Variants in ITPR1 observed in about 807,000 individuals in gnomAD.
The protein encoded by ITPR1 is inositol 1,4,5-trisphosphate receptor type 1.
In ITPR1, 96 loss-of-function variants were observed where a neutral mutation model predicts 318.4. The ratio of observed to expected loss-of-function variants is 0.30; its 90% confidence interval spans 0.26 to 0.36. The LOEUF (loss-of-function observed/expected upper bound fraction) is 0.36. Ranked by LOEUF, ITPR1 falls within the 10% of genes least tolerant of loss-of-function variation. The probability of loss-of-function intolerance (pLI) is 1.00; values close to 1 mark genes in which losing one functional copy is unlikely to be tolerated. For synonymous variants in ITPR1, 1,312 were observed against 1,289.9 expected (o/e 1.02, Z -0.37); for missense variants, 2,440 against 3,460.2 (o/e 0.71, Z 7.40).
intron 41 of ITPR1, among the ~76,000 whole-genome samples, chr3:4,726,341 T>TAA (rs11294154): frequency 0.022 from 3,258 of 146,264 alleles, 126 homozygotes; most frequent in African/African-American, 0.078. Flanking sequence ...ATGATGCAGT[T>TAA]AAAAAAAAAA....
Position 4,830,886 on chromosome 3 carries a change from T to G in ITPR1, c.8029-5888T>G, listed in dbSNP as rs183185425. 888 of 455,520 alleles carry G rather than the reference T, an allele frequency of 1.9e-3. 6 individuals are homozygous for G. Among genetic ancestry groups the G allele is most frequent in the South Asian group, 4.7e-3 (301 of 64,540 alleles). 28.2% of individuals were successfully genotyped at this position (455,520 alleles called of 1,614,324 possible). On this transcript the variant is annotated intron_variant, in intron 60 of 61. Transcript: ENST00000649015. ...CACCCTCAACGCCTCATTCTCTGAT[T>G]TGGCTATAAAAGATTCCACAAAAAT...
At chr3:4,777,487 C>A (rs568365933) in intron 48 of ITPR1, 113 bp downstream of exon 48, 6 of 669,122 alleles carry the variant, frequency 9.0e-6, no homozygotes, top group Admixed American at 8.8e-5. Context: ...AAAGATAGTT[C>A]TTTAAATGAA....
chr3:4,564,066 T>C (rs1391715463), intron 4 of ITPR1, among the ~76,000 whole-genome samples: 2 of 152,008 alleles, frequency 1.3e-5, no homozygotes, highest in Non-Finnish European at 1.5e-5. Flanking sequence ...CTCAGCCTCC[T>C]GAGTAGCTGG....
chr3:4,787,693 T>C (rs2047292502), intron 51 of ITPR1, among the ~76,000 whole-genome samples: 1 of 152,056 alleles, frequency 6.6e-6, no homozygotes, highest in Non-Finnish European at 1.5e-5. Flanking sequence ...GCAAGACTCC[T>C]GACTCTGTCT....
rs914628423 is a variant in ITPR1 at position 4,662,181 on chromosome 3, A to G, written c.1351A>G (p.Lys451Glu). Residue 451 changes from lysine (K) to glutamate (E), a missense_variant, in exon 15 of 62, where the codon AAG becomes GAG. This residue lies in a region of ITPR1 where 478 missense variants were observed against 696.3 expected (regional missense o/e 0.69). Transcript: ENST00000649015. ...CCTGGACTTTGCCAATGATGCCAGC[A>G]AGGTGCTGGGCTCCATTGCTGGGAA... ...RDLDFANDAS[K>E]VLGSIAGKLE... 2 of 1,613,350 alleles carry G rather than the reference A, an allele frequency of 1.2e-6. No individual in the cohort carries two copies. Among genetic ancestry groups the G allele is most frequent in the Non-Finnish European group, 1.7e-6 (2 of 1,179,568 alleles).
intron 4 of ITPR1, among the ~76,000 whole-genome samples, chr3:4,525,993 C>A (rs565467005): frequency 3.9e-5 from 6 of 152,146 alleles, no homozygotes; most frequent in African/African-American, 1.4e-4. Context: ...AACAAGGGAA[C>A]TGGGCTTTTG....
chr3:4,790,392 T>TA (rs1193899035), intron 52 of ITPR1, among the ~76,000 whole-genome samples: 1 of 152,264 alleles, frequency 6.6e-6, no homozygotes, highest in Non-Finnish European at 1.5e-5. Context: ...ATACCTTCCT[T>TA]ATTTCAGTCA....
chr3:4,663,563 C>G (rs558425080), intron 16 of ITPR1, among the ~76,000 whole-genome samples: 1 of 152,322 alleles, frequency 6.6e-6, no homozygotes, highest in South Asian at 2.1e-4. Context: ...CATATCTCCT[C>G]TTGTCCTCAC....
At chr3:4,793,060 T>G (rs1241109937) in intron 52 of ITPR1, among the ~76,000 whole-genome samples, 5 of 152,110 alleles carry the variant, frequency 3.3e-5, no homozygotes, top group Admixed American at 2.0e-4. Context: ...CCACAGGAAA[T>G]AAAAGACATT....
At chr3:4,669,932 C>T (rs1009919677) in intron 19 of ITPR1, among the ~76,000 whole-genome samples, 159 bp downstream of exon 19, 2 of 152,150 alleles carry the variant, frequency 1.3e-5, no homozygotes, top group African/African-American at 4.8e-5. Context: ...TAGGAGAATT[C>T]CCGAATTTGA....
chr3:4,766,456 G>A, intron 44 of ITPR1, 74 bp from the exon 45 acceptor site: 1 of 1,285,128 alleles, frequency 7.8e-7, no homozygotes, highest in Non-Finnish European at 1.1e-6. Context: ...ATCTTCATTA[G>A]GTTTTGGTGT....
At chr3:4,498,356 C>T (rs1373497571) in intron 2 of ITPR1, among the ~76,000 whole-genome samples, 1 of 152,024 alleles carries the variant, frequency 6.6e-6, no homozygotes, top group African/African-American at 2.4e-5. Flanking sequence ...AAAGTGTGTT[C>T]CAAATGTCAG....
chr3:4,666,674 G>A (rs1029190997), intron 17 of ITPR1, among the ~76,000 whole-genome samples: 1 of 152,114 alleles, frequency 6.6e-6, no homozygotes, highest in African/African-American at 2.4e-5. Flanking sequence ...AAAAATTAAA[G>A]CAAGTTTCAA....
At chr3:4,767,221 G>T (rs1238510973) in intron 45 of ITPR1, among the ~76,000 whole-genome samples, 1 of 152,232 alleles carries the variant, frequency 6.6e-6, no homozygotes, top group Non-Finnish European at 1.5e-5. Context: ...TTAGAACTGG[G>T]TTTCTCAACC....
intron 38 of ITPR1, 57 bp from the exon 39 acceptor site, chr3:4,711,700 T>A (rs921549446): frequency 2.2e-6 from 2 of 902,498 alleles, no homozygotes; most frequent in Non-Finnish European, 3.6e-6. Flanking sequence ...GCTTGTGAAG[T>A]CTTTTTAATT....
intron 44 of ITPR1, among the ~76,000 whole-genome samples, chr3:4,766,265 C>G (rs1446649449): frequency 6.6e-6 from 1 of 152,212 alleles, no homozygotes; most frequent in African/African-American, 2.4e-5. Context: ...TGGCAACAGT[C>G]TGCCCACCAC....
intron 4 of ITPR1, among the ~76,000 whole-genome samples, chr3:4,523,248 A>C (rs1433770417): frequency 6.6e-6 from 1 of 152,186 alleles, no homozygotes; most frequent in African/African-American, 2.4e-5. Context: ...AGAGATTCTA[A>C]TGTACTGTAC....
chr3:4,701,860 T>C (rs2094659548), intron 35 of ITPR1, among the ~76,000 whole-genome samples: 1 of 152,232 alleles, frequency 6.6e-6, no homozygotes, highest in Non-Finnish European at 1.5e-5. Context: ...AATTTTTAAT[T>C]AATCTTTTTT....
chr3:4,754,402 G>C (rs2044796124), intron 44 of ITPR1, among the ~76,000 whole-genome samples: 1 of 152,232 alleles, frequency 6.6e-6, no homozygotes, highest in Admixed American at 6.5e-5. Flanking sequence ...CATGAGACAA[G>C]GTGGAGGTCT....
Sources: allele counts gnomAD v4.1 joint callset (sites outside exome capture counted in the v4.1 genomes callset), GRCh38; gene constraint gnomAD v4.1.1; regional missense constraint gnomAD v4.1.1; transcripts MANE v1.5; gene names NCBI Gene and HGNC (gene_info 2026-07-23, HGNC 2026-07-21).